The following RGSL1 variants were observed in gnomAD, a reference collection of about 807,000 sequenced individuals.
RGSL1 encodes the protein regulator of G protein signaling like 1, also known as regulator of G protein signaling protein-like.
A neutral mutation model predicts 124.7 loss-of-function variants in RGSL1; 97 were observed. The observed-to-expected ratio is 0.78, with a 90% confidence interval of 0.66 to 0.92. RGSL1 has a LOEUF of 0.92. RGSL1 is among the 40% of genes least tolerant of loss of function. RGSL1 has a pLI of 0.00. For missense variants in RGSL1, 1,233 were observed against 1,288.4 expected, an observed-to-expected ratio of 0.96 and a Z score of 0.66; for synonymous variants, 424 against 438.1, an observed-to-expected ratio of 0.97 and a Z score of 0.40.
intron 9 of RGSL1, among the ~76,000 whole-genome samples, chr1:182,508,450 C>A (rs1657014787): frequency 6.6e-6 from 1 of 151,554 alleles, no homozygotes; most frequent in Non-Finnish European, 1.5e-5. Context: ...TAGGTGCCTG[C>A]CACCACACCC....
At chr1:182,463,255 CT>C (rs1375636522) in intron 4 of RGSL1, among the ~76,000 whole-genome samples, 1 of 146,158 alleles carries the variant, frequency 6.8e-6, no homozygotes, top group Non-Finnish European at 1.5e-5. Flanking sequence ...GATCACGCCA[CT>C]GCACTCCAGC....
chr1:182,493,764 C>A (rs1303239930), intron 9 of RGSL1, among the ~76,000 whole-genome samples: 1 of 152,216 alleles, frequency 6.6e-6, no homozygotes, highest in East Asian at 1.9e-4. Flanking sequence ...GGGGCCTCCT[C>A]TCTGGGCCAT....
intron 17 of RGSL1, chr1:182,549,170 G>C (rs1660410711): frequency 4.8e-6 from 1 of 208,452 alleles, no homozygotes; most frequent in South Asian, 9.4e-5. Flanking sequence ...ATTCTGTCAA[G>C]ACTAACACAA....
chr1:182,500,328 G>A (rs958635327), intron 9 of RGSL1, among the ~76,000 whole-genome samples: 3 of 152,112 alleles, frequency 2.0e-5, no homozygotes, highest in African/African-American at 7.2e-5. Flanking sequence ...GACTGTACAT[G>A]TATGTTTTTA....
intron 8 of RGSL1, among the ~76,000 whole-genome samples, chr1:182,491,291 C>T (rs1264063829): frequency 6.6e-6 from 1 of 152,164 alleles, no homozygotes; most frequent in Admixed American, 6.5e-5. Context: ...TCTTGACTCA[C>T]TGCAACCTCC....
rs570308052 is a variant in RGSL1, at chr1:182,557,770, A to G, written c.*165+1548A>G. Among the ~76,000 whole-genome samples the G allele has an allele frequency of 5.3e-5, 8 of 152,292 alleles. No individual in the cohort carries two copies. The East Asian group carries it at 1.3e-3, about 26-fold the overall frequency. On this transcript the variant is annotated intron_variant, in intron 21 of 21. Coordinates refer to ENST00000294854, the MANE Select transcript of RGSL1 (RefSeq NM_001137669.2). Reference sequence around the variant, plus strand: ...GGTCTTCCCTGAGTTGGAAAAAAAAATCTTCTCTTTTGTTAAGTTTTGTTG... The same window carrying G: ...GGTCTTCCCTGAGTTGGAAAAAAAAGTCTTCTCTTTTGTTAAGTTTTGTTG...
chr1:182,541,346 T>C (rs954783910), intron 15 of RGSL1, among the ~76,000 whole-genome samples: 1 of 152,208 alleles, frequency 6.6e-6, no homozygotes, highest in African/African-American at 2.4e-5. Context: ...GTGTTTGACT[T>C]ATTTCACTTA....
intron 9 of RGSL1, among the ~76,000 whole-genome samples, chr1:182,508,265 G>A (rs924550163): frequency 2.7e-5 from 4 of 148,640 alleles, no homozygotes; most frequent in Non-Finnish European, 4.4e-5. Flanking sequence ...TGTTGGTGGT[G>A]GTGATGGTTG....
intron 18 of RGSL1, 73 bp from the exon 19 acceptor site, chr1:182,553,382 G>A: frequency 9.0e-7 from 1 of 1,108,008 alleles, no homozygotes; most frequent in Non-Finnish European, 1.3e-6. Flanking sequence ...GAGCTTTATT[G>A]CTTACTTAGA....
intron 4 of RGSL1, among the ~76,000 whole-genome samples, chr1:182,462,426 A>G (rs1652922023): frequency 6.6e-6 from 1 of 152,222 alleles, no homozygotes; most frequent in Non-Finnish European, 1.5e-5. Flanking sequence ...ATAAAAATAA[A>G]TATAATACTA....
At chr1:182,559,298 C>T (rs75979235) in intron 21 of RGSL1, among the ~76,000 whole-genome samples, 10,964 of 152,202 alleles carry the variant, frequency 0.072, 467 homozygotes, top group South Asian at 0.15. Flanking sequence ...GTTTTGGCCC[C>T]TTTATTTCTT....
chr1:182,533,395 A>G (rs1253289689), intron 14 of RGSL1, among the ~76,000 whole-genome samples: 1 of 150,804 alleles, frequency 6.6e-6, no homozygotes, highest in South Asian at 2.1e-4. Context: ...AATGTCCATT[A>G]TATGGATTAA....
At chr1:182,547,184 A>G (rs576839603) in intron 15 of RGSL1, among the ~76,000 whole-genome samples, 1 of 152,338 alleles carries the variant, frequency 6.6e-6, no homozygotes, top group South Asian at 2.1e-4. Flanking sequence ...CCCACAAACT[A>G]ATGAGGATGG....
intron 15 of RGSL1, among the ~76,000 whole-genome samples, chr1:182,541,770 TTAAC>T (rs1659906144): frequency 1.3e-5 from 2 of 152,156 alleles, no homozygotes; most frequent in South Asian, 4.1e-4. Context: ...AATAGCGACT[TTAAC>T]TAGGGTAAGA....
At chr1:182,485,317 C>T (rs1350221856) in intron 6 of RGSL1, among the ~76,000 whole-genome samples, 1 of 152,130 alleles carries the variant, frequency 6.6e-6, no homozygotes, top group East Asian at 1.9e-4. Context: ...TCTGTTACTC[C>T]TTCAATGTAC....
chr1:182,516,637 G>A (rs1161686574), intron 9 of RGSL1, among the ~76,000 whole-genome samples: 3 of 151,956 alleles, frequency 2.0e-5, no homozygotes, highest in Non-Finnish European at 4.4e-5. Flanking sequence ...GTTACCATAA[G>A]CCTTACAAAA....
intron 17 of RGSL1, chr1:182,550,805 A>G: frequency 3.0e-6 from 1 of 334,330 alleles, no homozygotes; most frequent in South Asian, 6.7e-5. Flanking sequence ...GGTTAACCTC[A>G]CCCCAGGCCT....
At chr1:182,483,388 T>C (rs1654857031) in intron 6 of RGSL1, among the ~76,000 whole-genome samples, 1 of 152,152 alleles carries the variant, frequency 6.6e-6, no homozygotes, top group Non-Finnish European at 1.5e-5. Context: ...GTTGTATACA[T>C]TAAATTTCTA....
chr1:182,490,999 T>G (rs1655482356), intron 8 of RGSL1, among the ~76,000 whole-genome samples: 1 of 142,914 alleles, frequency 7.0e-6, no homozygotes, highest in Admixed American at 7.4e-5. Flanking sequence ...CAAGCGAAGC[T>G]CCCACCTCAG....
Sources: allele counts gnomAD v4.1 joint callset (sites outside exome capture counted in the v4.1 genomes callset), GRCh38; gene constraint gnomAD v4.1.1; transcripts MANE v1.5; gene names NCBI Gene and HGNC (gene_info 2026-07-23, HGNC 2026-07-21).